Variants in GPR146 observed in about 807,000 individuals in gnomAD.
GPR146 encodes the protein G protein-coupled receptor 146, also known as G-protein coupled receptor 146.
For missense variants in GPR146, 381 were observed against 213.9 expected, an observed-to-expected ratio of 1.78 and a Z score of -4.87; for synonymous variants, 203 against 104.3, an observed-to-expected ratio of 1.95 and a Z score of -5.77.
chr7:1,045,774 C>T (rs1311488802), intron 1 of GPR146: 1 of 152,266 alleles, frequency 6.6e-6, no homozygotes, highest in Admixed American at 6.5e-5. Context: ...GACTTAAGAA[C>T]ATAGTTTATA....
At chr7:1,047,652 C>G (rs1200005783) in intron 1 of GPR146, among the ~76,000 whole-genome samples, 1 of 152,264 alleles carries the variant, frequency 6.6e-6, no homozygotes, top group South Asian at 2.1e-4. Context: ...TTGAGCGTCT[C>G]ATGGTGCATG....
intron 1 of GPR146, chr7:1,056,406 T>C (rs950958319): frequency 6.6e-6 from 1 of 152,462 alleles, no homozygotes; most frequent in Non-Finnish European, 1.5e-5. Context: ...TTCACCAGGA[T>C]TGCACAATGA....
intron 1 of GPR146, chr7:1,055,565 A>C (rs571610315): frequency 4.9e-6 from 2 of 406,222 alleles, no homozygotes; most frequent in African/African-American, 4.1e-5. Flanking sequence ...GACGTGGGGG[A>C]CTCTGTGCAG....
intron 1 of GPR146, chr7:1,055,509 G>A: frequency 2.2e-6 from 1 of 452,114 alleles, no homozygotes; most frequent in East Asian, 7.0e-5. Flanking sequence ...GCCCGCAGGT[G>A]GGAGAGGGGA....
rs1783273075 is a variant in GPR146, at chr7:1,052,896, C to T, written c.-24-4596C>T. 6.6e-6 allele frequency among the ~76,000 whole-genome samples: 1 copy of T among 152,166 alleles called. No homozygotes were observed. The highest frequency in any genetic ancestry group is 1.5e-5 in the Non-Finnish European group (1 of 68,030). On this transcript the variant is annotated intron_variant, in intron 1 of 1. Transcript: ENST00000444847. This position sits in a 1 kb window ranked among gnomAD's most constrained non-coding sequence, Gnocchi z 4.2. Reference sequence around the variant, plus strand: ...AGCCTCCAGAATCTTTCATCGCCGCCACAACAAACTCAGGCTTTCGTGTAG... The same window carrying T: ...AGCCTCCAGAATCTTTCATCGCCGCTACAACAAACTCAGGCTTTCGTGTAG...
In GPR146 at chr7:1,058,039, C is replaced by T. The variant is rs771762111; in HGVS notation, c.524C>T (p.Ala175Val). The T allele has an allele frequency of 5.5e-5, 42 of 768,734 alleles. No individual in the cohort carries two copies. The highest frequency in any genetic ancestry group is 1.5e-4 in the African/African-American group (9 of 59,146). 47.6% of individuals were successfully genotyped at this position (768,734 alleles called of 1,614,324 possible). A position where few individuals can be genotyped will look rare whatever the true frequency, so the allele number is the denominator to read the frequency against. The change falls in exon 2 of 2, where the codon GCG becomes GTG. Residue 175 changes from alanine to valine, a missense_variant. Coordinates refer to ENST00000444847, the MANE Select transcript of GPR146 (RefSeq NM_001303473.2). ...ATCTGCAGCCATGTGTCCACCCGCG[C>T]GCTAGAGTGCGCCAAGATGCAGAAC... is the stretch of plus-strand genomic sequence containing the variant. Reference protein sequence around the residue: ...FYICSHVSTRALECAKMQNAE... With the variant: ...FYICSHVSTRVLECAKMQNAE...
At chr7:1,053,840 CAA>C (rs1783434778) in intron 1 of GPR146, among the ~76,000 whole-genome samples, 1 of 152,052 alleles carries the variant, frequency 6.6e-6, no homozygotes, top group African/African-American at 2.4e-5. Flanking sequence ...AAAACAAAAA[CAA>C]AACCAAAAAA....
intron 1 of GPR146, among the ~76,000 whole-genome samples, chr7:1,049,825 G>T (rs1024337741): frequency 2.0e-5 from 3 of 152,200 alleles, no homozygotes; most frequent in Admixed American, 2.0e-4. Context: ...ACTGTACTGG[G>T]TTCTATGACA....
intron 1 of GPR146, among the ~76,000 whole-genome samples, chr7:1,054,396 C>A (rs1396384460): frequency 1.3e-5 from 2 of 152,228 alleles, no homozygotes; most frequent in African/African-American, 2.4e-5. Flanking sequence ...TGCCAGTAAA[C>A]AAAAATGCAC....
chr7:1,047,585 A>G (rs542823454), intron 1 of GPR146, among the ~76,000 whole-genome samples: 1 of 152,236 alleles, frequency 6.6e-6, no homozygotes, highest in Admixed American at 6.5e-5. Context: ...AAAAGAAAAT[A>G]AACATTCCAG....
At chr7:1,046,689 C>G (rs1782610933) in intron 1 of GPR146, among the ~76,000 whole-genome samples, 2 of 151,896 alleles carry the variant, frequency 1.3e-5, no homozygotes, top group South Asian at 2.1e-4. Flanking sequence ...CAAAATACCC[C>G]CTTGAGCAGC....
At chr7:1,053,249 G>A (rs781045571) in intron 1 of GPR146, among the ~76,000 whole-genome samples, 4 of 152,254 alleles carry the variant, frequency 2.6e-5, no homozygotes, top group East Asian at 3.8e-4. Flanking sequence ...ACCCCTCTGC[G>A]TCCAGGCAGG....
intron 1 of GPR146, chr7:1,055,236 G>A (rs1041927169): frequency 3.4e-5 from 16 of 470,922 alleles, no homozygotes; most frequent in African/African-American, 1.0e-4. Flanking sequence ...GGGCGGTGGC[G>A]CCTGCCAAGG....
intron 1 of GPR146, among the ~76,000 whole-genome samples, chr7:1,054,004 G>A (rs1036101090): frequency 1.4e-4 from 22 of 152,178 alleles, no homozygotes; most frequent in African/African-American, 4.8e-4. Context: ...CCACCCAGGC[G>A]TGGCCGAGGA....
In GPR146 at chr7:1,058,089, G is replaced by A; in HGVS notation, c.574G>A (p.Val192Met). 1 of 766,288 alleles carries A rather than the reference G, an allele frequency of 1.3e-6. No homozygotes were observed. The highest frequency in any genetic ancestry group is 2.4e-5 in the East Asian group (1 of 41,222). 47.5% of individuals were successfully genotyped at this position (766,288 alleles called of 1,614,324 possible). A position where few individuals can be genotyped will look rare whatever the true frequency, so the allele number is the denominator to read the frequency against. Residue 192 changes from valine (V) to methionine (M), a missense_variant, in exon 2 of 2, where the codon GTG (valine) becomes ATG (methionine). Transcript: ENST00000444847. ...QNAEAADATL[V>M]FIGYVVPALA... ...CGCAGAAGCTGCCGACGCCACGCTGGTGTTCATCGGCTACGTGGTGCCAGC... is the reference window on the plus strand; with the variant it reads ...CGCAGAAGCTGCCGACGCCACGCTGATGTTCATCGGCTACGTGGTGCCAGC...
At chr7:1,053,691 G>A (rs1783400562) in intron 1 of GPR146, among the ~76,000 whole-genome samples, 1 of 152,234 alleles carries the variant, frequency 6.6e-6, no homozygotes, top group Admixed American at 6.5e-5. Flanking sequence ...GCTGGGTGTG[G>A]TGGCAGTCGC....
In GPR146 at chr7:1,057,950, G is replaced by A. The variant is rs1218756803; in HGVS notation, c.435G>A (p.Arg145=). 1.3e-5 allele frequency: 10 copies of A among 772,756 alleles called. No individual in the cohort carries two copies. In the East Asian group the frequency reaches 1.5e-4, roughly 11 times the overall value. The allele number at this position is 772,756 out of a possible 1,614,324, so 47.9% of individuals were successfully genotyped here. Residue 145 remains arginine (R), a synonymous_variant, in exon 2 of 2, where the codon CGG becomes CGA. Coordinates refer to ENST00000444847, the MANE Select transcript of GPR146 (RefSeq NM_001303473.2). ...RTYMASVYNT[R]HVCGFVWGGA... Reference sequence around the variant, plus strand: ...ACATGGCCAGCGTGTACAACACGCGGCACGTGTGCGGCTTCGTGTGGGGTG... The same window carrying A: ...ACATGGCCAGCGTGTACAACACGCGACACGTGTGCGGCTTCGTGTGGGGTG...
In GPR146 at chr7:1,057,894, C is replaced by A. The variant is rs753095303; in HGVS notation, c.379C>A (p.His127Asn). 1.3e-6 allele frequency: 1 copy of A among 776,754 alleles called. No individual in the cohort carries two copies. 48.1% of individuals were successfully genotyped at this position (776,754 alleles called of 1,614,324 possible). ...MYSTALLSLDHYIERALPRTY... is the reference protein window; with the variant it reads ...MYSTALLSLDNYIERALPRTY... ...CTCCACCGCCCTGCTGAGCCTCGAC[C>A]ACTACATCGAGCGTGCACTGCCGCG... Residue 127 changes from histidine to asparagine, a missense_variant, in exon 2 of 2, where the codon CAC becomes AAC. By Grantham distance (68) the His-to-Asn change is moderately conservative (BLOSUM62 1). Coordinates refer to ENST00000444847, the MANE Select transcript of GPR146 (RefSeq NM_001303473.2).
chr7:1,044,896 G>A (rs1190341808), intron 1 of GPR146, among the ~76,000 whole-genome samples: 1 of 152,276 alleles, frequency 6.6e-6, no homozygotes, highest in African/African-American at 2.4e-5. Flanking sequence ...TTAACCTGGT[G>A]ATGGCAGCTG....
Sources: allele counts gnomAD v4.1 joint callset (sites outside exome capture counted in the v4.1 genomes callset), GRCh38; gene constraint gnomAD v4.1.1; non-coding constraint Gnocchi (gnomAD v3.1); transcripts MANE v1.5; gene names NCBI Gene and HGNC (gene_info 2026-07-23, HGNC 2026-07-21).